Variants in GOLGA1 observed in about 807,000 individuals in gnomAD.
The protein encoded by GOLGA1 is golgin subfamily A member 1.
GOLGA1 carries 63 observed loss-of-function variants against 119.7 expected under a neutral mutation model. The observed-to-expected ratio is 0.53, with a 90% CI of 0.43 to 0.65. The LOEUF is 0.65. Ranked by LOEUF, GOLGA1 falls within the 30% of genes least tolerant of loss-of-function variation. The pLI, the probability that GOLGA1 is intolerant of heterozygous loss-of-function variation, is 0.00. For synonymous variants in GOLGA1, 318 were observed against 333.4 expected, an observed-to-expected ratio of 0.95 and a Z score of 0.50; for missense variants, 798 against 912.8, an observed-to-expected ratio of 0.87 and a Z score of 1.62.
At chr9:124,907,554 C>T (rs1029406146) in intron 12 of GOLGA1, among the ~76,000 whole-genome samples, 5 of 152,084 alleles carry the variant, frequency 3.3e-5, no homozygotes, top group African/African-American at 1.2e-4. Context: ...AGGACTGAAA[C>T]TGATAAAGCA....
intron 12 of GOLGA1, among the ~76,000 whole-genome samples, chr9:124,906,544 G>GT (rs1199538880): frequency 3.3e-5 from 5 of 152,222 alleles, no homozygotes; most frequent in Non-Finnish European, 5.9e-5. Context: ...GAGGTCAGGA[G>GT]TTTGAGACCA....
chr9:124,910,220 C>T (rs998988056), intron 11 of GOLGA1, among the ~76,000 whole-genome samples: 10 of 152,158 alleles, frequency 6.6e-5, no homozygotes, highest in East Asian at 1.9e-4. Context: ...TGAGCCACCG[C>T]GCCTGGCCTA....
rs367590846 is a variant in GOLGA1 at position 124,881,601 on chromosome 9, G to A, written c.2136+183C>T. Among the ~76,000 whole-genome samples the A allele has an allele frequency of 1.6e-4, 25 of 152,262 alleles. 1 individual carries two copies. The highest frequency in any genetic ancestry group is 5.5e-4 in the African/African-American group (23 of 41,542). On this transcript the variant is annotated intron_variant, in intron 21 of 22. Transcript: ENST00000373555. This position sits in a 1 kb window ranked among gnomAD's most constrained non-coding sequence, Gnocchi z 4.9. ...TCCCACCAGGAGCCAGTTCCTGCACGGCCTCTCCCGCCAGCCGCTCACTCC... is the reference window on the plus strand; with the variant it reads ...TCCCACCAGGAGCCAGTTCCTGCACAGCCTCTCCCGCCAGCCGCTCACTCC...
In GOLGA1 at chr9:124,889,207, T is replaced by G. The variant is rs532522334; in HGVS notation, c.1697A>C (p.Gln566Pro). Residue 566 changes from glutamine to proline, a missense_variant, in exon 18 of 23, where the codon CAG becomes CCG. Gln to Pro is a moderately conservative substitution (Grantham distance 76). Transcript: ENST00000373555. ...KAEEAAVVAE[Q>P]EDLLRLRGPL... ...GCCCCGCAGCCTCAGCAGGTCCTCC[T>G]GCTCCGCGACCACTGCAGCCTCCTC... is the stretch of plus-strand genomic sequence containing the variant. The G allele has an allele frequency of 1.2e-6, 2 of 1,613,158 alleles. No homozygotes were observed. The highest frequency in any genetic ancestry group is 2.2e-5 in the South Asian group (2 of 91,038).
intron 10 of GOLGA1, among the ~76,000 whole-genome samples, chr9:124,915,101 G>A (rs547834488): frequency 2.0e-5 from 3 of 152,052 alleles, no homozygotes; most frequent in East Asian, 1.9e-4. Flanking sequence ...ACTCCCTCCC[G>A]AGTCTGGGTC....
At chr9:124,938,971 G>A (rs923112797) in intron 2 of GOLGA1, 105 bp from the exon 3 acceptor site, 11 of 367,760 alleles carry the variant, frequency 3.0e-5, no homozygotes, top group Middle Eastern at 1.4e-3. Context: ...TAACTTACAT[G>A]TACACTTATA....
intron 10 of GOLGA1, among the ~76,000 whole-genome samples, chr9:124,920,868 AAAAG>A (rs1189489470): frequency 6.6e-6 from 1 of 151,896 alleles, no homozygotes; most frequent in African/African-American, 2.4e-5. Flanking sequence ...AAAAAAAAAA[AAAAG>A]AGAGACATAT....
At chr9:124,938,307 A>G (rs1303097542) in intron 3 of GOLGA1, among the ~76,000 whole-genome samples, 1 of 152,192 alleles carries the variant, frequency 6.6e-6, no homozygotes, top group Non-Finnish European at 1.5e-5. Flanking sequence ...AAGAAGATGT[A>G]TAAGGTATAT....
intron 3 of GOLGA1, among the ~76,000 whole-genome samples, chr9:124,938,235 T>A (rs1830917741): frequency 6.6e-6 from 1 of 152,226 alleles, no homozygotes; most frequent in South Asian, 2.1e-4. Context: ...GACTTAGTTG[T>A]TATATAAGTA....
upstream of GOLGA1, among the ~76,000 whole-genome samples, chr9:124,942,264 C>T (rs1236923745): frequency 6.6e-6 from 1 of 152,202 alleles, no homozygotes; most frequent in African/African-American, 2.4e-5. Flanking sequence ...GAGCGAAACT[C>T]TATCTCAAAC....
At chr9:124,924,636 C>CAAA (rs71374206) in intron 7 of GOLGA1, among the ~76,000 whole-genome samples, 23 of 108,638 alleles carry the variant, frequency 2.1e-4, no homozygotes, top group South Asian at 6.3e-4. Flanking sequence ...GACCCTGTCT[C>CAAA]AAAAAAAAAA....
intron 6 of GOLGA1, 131 bp downstream of exon 6, chr9:124,928,057 C>G (rs1400956196): frequency 1.9e-6 from 1 of 513,798 alleles, no homozygotes; most frequent in Non-Finnish European, 3.5e-6. Context: ...CAAAGAAAAC[C>G]TTAACGAACT....
rs1167637970 is a variant in GOLGA1 at position 124,880,422 on chromosome 9, C to T, written c.*108G>A. ...TGTAAACAATGTTTAGACACTTGTA[C>T]AAAATACTGCAGTTACAGTGATTAA... is the stretch of plus-strand genomic sequence containing the variant. On this transcript the variant is annotated 3_prime_UTR_variant, in exon 23 of 23. Transcript: ENST00000373555. 2 of 703,376 alleles carry T rather than the reference C, an allele frequency of 2.8e-6. No individual in the cohort carries two copies. Among genetic ancestry groups the T allele is most frequent in the Non-Finnish European group, 5.4e-6 (2 of 373,486 alleles). 43.6% of individuals were successfully genotyped at this position (703,376 alleles called of 1,614,324 possible).
chr9:124,911,447 T>G (rs1830339600), intron 11 of GOLGA1, among the ~76,000 whole-genome samples: 1 of 152,148 alleles, frequency 6.6e-6, no homozygotes, highest in Non-Finnish European at 1.5e-5. Context: ...ATGAGAAAGT[T>G]CCCTTGCACC....
chr9:124,932,932 C>T (rs1349841193), intron 3 of GOLGA1, among the ~76,000 whole-genome samples: 2 of 152,142 alleles, frequency 1.3e-5, no homozygotes, highest in African/African-American at 2.4e-5. Context: ...CTAATCATCT[C>T]GGAGACGATT....
chr9:124,939,632 G>A (rs1463740178), intron 2 of GOLGA1, among the ~76,000 whole-genome samples: 2 of 130,774 alleles, frequency 1.5e-5, no homozygotes, highest in East Asian at 2.2e-4. Context: ...GCACTATCTC[G>A]GCTCACCGCA....
chr9:124,931,994 C>T (rs1013276901), intron 3 of GOLGA1, among the ~76,000 whole-genome samples: 8 of 152,190 alleles, frequency 5.3e-5, no homozygotes, highest in Non-Finnish European at 1.0e-4. Context: ...TTGCTATAGG[C>T]ACTGCTTGCA....
At chr9:124,938,428 A>G in intron 3 of GOLGA1, 149 bp downstream of exon 3, 1 of 685,732 alleles carries the variant, frequency 1.5e-6, no homozygotes, top group South Asian at 2.0e-5. Flanking sequence ...AACATTAACA[A>G]AAAGGTACCT....
chr9:124,921,035 G>GT (rs1004023379), intron 10 of GOLGA1, 94 bp downstream of exon 10: 6 of 779,256 alleles, frequency 7.7e-6, no homozygotes, highest in African/African-American at 5.1e-5. Context: ...CATGAGAAAT[G>GT]TATGTTCAGT....
Sources: gnomAD v4.1 joint callset for allele counts (sites outside exome capture counted in the v4.1 genomes callset) on GRCh38, gnomAD v4.1.1 for gene constraint, Gnocchi (gnomAD v3.1) non-coding constraint, MANE v1.5 for transcripts, NCBI Gene and HGNC (gene_info 2026-07-23, HGNC 2026-07-21) for gene names.